CEP128: variants seen among roughly 807,000 people sequenced by gnomAD.
CEP128 encodes centrosomal protein 128, also known as centrosomal protein 128kDa.
In CEP128, 132 loss-of-function variants were observed where a neutral mutation model predicts 156.7. That is an observed-to-expected ratio of 0.84 (90% CI 0.73 to 0.97). CEP128 has a LOEUF of 0.97. Ranked by LOEUF, CEP128 falls within the 50% of genes least tolerant of loss-of-function variation. The probability of loss-of-function intolerance (pLI) is 0.00; values close to 1 mark genes in which losing one functional copy is unlikely to be tolerated. For synonymous variants in CEP128, 469 were observed against 448.9 expected, an observed-to-expected ratio of 1.04 and a Z score of -0.57; for missense variants, 1,252 against 1,281.9, an observed-to-expected ratio of 0.98 and a Z score of 0.36.
chr14:80,783,029 C>A (rs1360410789), intron 15 of CEP128, among the ~76,000 whole-genome samples: 1 of 152,184 alleles, frequency 6.6e-6, no homozygotes, highest in African/African-American at 2.4e-5. Flanking sequence ...CAAGAGTTAA[C>A]TGGCTCCGAA....
At chr14:80,951,788 A>G (rs1449962176) in intron 2 of CEP128, among the ~76,000 whole-genome samples, 6 of 152,076 alleles carry the variant, frequency 3.9e-5, no homozygotes, top group African/African-American at 1.4e-4. Flanking sequence ...AAACTCAAAG[A>G]GGTTAAAGTA....
chr14:80,916,726 C>G (rs996476376), intron 2 of CEP128, among the ~76,000 whole-genome samples, 164 bp from the exon 3 acceptor site: 1 of 152,168 alleles, frequency 6.6e-6, no homozygotes, highest in Non-Finnish European at 1.5e-5. Context: ...GAAGTCACTT[C>G]CCCATGTAAT....
chr14:80,931,590 C>T (rs1885469330), intron 2 of CEP128, among the ~76,000 whole-genome samples: 1 of 152,142 alleles, frequency 6.6e-6, no homozygotes, highest in Non-Finnish European at 1.5e-5. Context: ...GAAATACAGT[C>T]ACTACTGGCA....
At chr14:80,764,859 GT>G (rs1048675832) in intron 16 of CEP128, among the ~76,000 whole-genome samples, 3 of 152,270 alleles carry the variant, frequency 2.0e-5, no homozygotes, top group African/African-American at 7.2e-5. Flanking sequence ...AAAGATTTCT[GT>G]TCCTTTCCCC....
chr14:80,875,375 T>C (rs1442620047), intron 8 of CEP128, among the ~76,000 whole-genome samples: 4 of 151,780 alleles, frequency 2.6e-5, no homozygotes, highest in Non-Finnish European at 4.4e-5. Context: ...AGCCTCAAAT[T>C]ATCTATTCAA....
chr14:80,731,749 G>A (rs540474968), intron 19 of CEP128, among the ~76,000 whole-genome samples: 1 of 152,250 alleles, frequency 6.6e-6, no homozygotes, highest in East Asian at 1.9e-4. Context: ...ACACTGGACA[G>A]ATAAAAAGGG....
At chr14:80,762,562 CAT>C (rs1900024993) in intron 16 of CEP128, among the ~76,000 whole-genome samples, 1 of 152,104 alleles carries the variant, frequency 6.6e-6, no homozygotes, top group Non-Finnish European at 1.5e-5. Flanking sequence ...CTAAAAGAAA[CAT>C]AAATGATATT....
intron 19 of CEP128, among the ~76,000 whole-genome samples, chr14:80,717,571 GAAAATATAAAAGC>G (rs1897653444): frequency 6.6e-6 from 1 of 151,966 alleles, no homozygotes; most frequent in African/African-American, 2.4e-5. Flanking sequence ...TATATATTTT[GAAAATATAAAAGC>G]AATTAAAGAA....
intron 16 of CEP128, among the ~76,000 whole-genome samples, chr14:80,771,275 A>G (rs1900497301): frequency 1.3e-5 from 2 of 152,178 alleles, no homozygotes; most frequent in Admixed American, 1.3e-4. Context: ...ATGAAAAGAG[A>G]GTCATTTTGC....
intron 5 of CEP128, chr14:80,905,608 ATGTGAAAATC>A (rs1883841983): frequency 5.2e-6 from 1 of 193,304 alleles, no homozygotes; most frequent in African/African-American, 2.4e-5. Context: ...TTCATAAAAC[ATGTGAAAATC>A]TATTACGCTA....
chr14:80,710,033 G>A (rs1303893049), intron 19 of CEP128, among the ~76,000 whole-genome samples: 1 of 151,040 alleles, frequency 6.6e-6, no homozygotes, highest in Non-Finnish European at 1.5e-5. Context: ...TTTGTACCCT[G>A]TTTTTGTACC....
At chr14:80,921,439 G>A (rs1245128446) in intron 2 of CEP128, among the ~76,000 whole-genome samples, 1 of 152,154 alleles carries the variant, frequency 6.6e-6, no homozygotes, top group Non-Finnish European at 1.5e-5. Context: ...GTTCTCACTA[G>A]ATACAGCCCC....
chr14:80,717,937 C>T (rs1439952704), intron 19 of CEP128, among the ~76,000 whole-genome samples: 1 of 152,176 alleles, frequency 6.6e-6, no homozygotes, highest in Non-Finnish European at 1.5e-5. Flanking sequence ...ACTTCAGCTT[C>T]CCTAGTAGCT....
intron 19 of CEP128, among the ~76,000 whole-genome samples, chr14:80,618,828 C>G (rs1893340971): frequency 6.6e-6 from 1 of 152,118 alleles, no homozygotes; most frequent in African/African-American, 2.4e-5. Context: ...TCAATCCAGC[C>G]CCAGAGATTC....
At chr14:80,914,456 T>C (rs767524635) in intron 3 of CEP128, 48 bp from the exon 4 acceptor site, 9 of 1,392,834 alleles carry the variant, frequency 6.5e-6, no homozygotes, top group Middle Eastern at 1.8e-4. Context: ...TACTTTTTTT[T>C]CCTAATCAAT....
chr14:80,710,575 C>T (rs1395240776), intron 19 of CEP128, among the ~76,000 whole-genome samples: 1 of 151,972 alleles, frequency 6.6e-6, no homozygotes, highest in Admixed American at 6.6e-5. Context: ...TATTTAAATA[C>T]TTTCATTAAG....
At chr14:80,634,682 T>C (rs1224099714) in intron 19 of CEP128, among the ~76,000 whole-genome samples, 1 of 152,162 alleles carries the variant, frequency 6.6e-6, no homozygotes, top group African/African-American at 2.4e-5. Context: ...GTTAATTTTA[T>C]CTCTGTGTTT....
intron 13 of CEP128, among the ~76,000 whole-genome samples, chr14:80,814,273 T>A (rs975355605): frequency 2.0e-5 from 3 of 152,326 alleles, no homozygotes; most frequent in South Asian, 4.1e-4. Context: ...ACTCCAATTA[T>A]CTATATCTAT....
chr14:80,746,461 A>G (rs1899105829), intron 18 of CEP128, among the ~76,000 whole-genome samples: 1 of 152,200 alleles, frequency 6.6e-6, no homozygotes, highest in African/African-American at 2.4e-5. Flanking sequence ...GATTTTCAAC[A>G]AAAGATCCAA....
Sources: gnomAD v4.1 joint callset for allele counts (sites outside exome capture counted in the v4.1 genomes callset) on GRCh38, gnomAD v4.1.1 for gene constraint, MANE v1.5 for transcripts, NCBI Gene and HGNC (gene_info 2026-07-23, HGNC 2026-07-21) for gene names.